MITF: variants seen among roughly 807,000 people sequenced by gnomAD.
MITF encodes the protein microphthalmia-associated transcription factor.
A neutral mutation model predicts 60.5 loss-of-function variants in MITF; 17 were observed. The observed-to-expected ratio is 0.28, with a 90% confidence interval of 0.19 to 0.42. MITF has a LOEUF of 0.42. Among genes scored for constraint, MITF ranks in the 10% least tolerant of loss-of-function variants. The pLI is 1.00. For missense variants in MITF, 622 were observed against 683.5 expected (o/e 0.91, Z 1.00); for synonymous variants, 260 against 248.5 (o/e 1.05, Z -0.43).
At chr3:69,891,134 A>G (rs2064750973) in intron 2 of MITF, among the ~76,000 whole-genome samples, 1 of 152,170 alleles carries the variant, frequency 6.6e-6, no homozygotes, top group Admixed American at 6.5e-5. Flanking sequence ...TCAGTTTTCC[A>G]GTAGCTTTCC....
At chr3:69,879,015 C>T (rs2107274822) in intron 1 of MITF, 119 bp from the exon 2 acceptor site, 1 of 796,398 alleles carries the variant, frequency 1.3e-6, no homozygotes, top group South Asian at 1.4e-5. Flanking sequence ...CATTCTGTGA[C>T]TTGATTATAT....
At chr3:69,788,760 A>G (rs1269537082) in intron 1 of MITF, among the ~76,000 whole-genome samples, 2 of 152,170 alleles carry the variant, frequency 1.3e-5, no homozygotes, top group African/African-American at 4.8e-5. Flanking sequence ...AAATAGACCA[A>G]TGTAATAGAA....
At chr3:69,833,130 G>A (rs538467338) in intron 1 of MITF, among the ~76,000 whole-genome samples, 11 of 151,280 alleles carry the variant, frequency 7.3e-5, no homozygotes, top group Non-Finnish European at 1.3e-4. Flanking sequence ...TGTTTACACT[G>A]TATGTGGTTG....
At chr3:69,835,261 A>G (rs1467759140) in intron 1 of MITF, among the ~76,000 whole-genome samples, 1 of 151,852 alleles carries the variant, frequency 6.6e-6, no homozygotes, top group African/African-American at 2.4e-5. Context: ...TAAGCAATCT[A>G]CCTGCCTCAG....
chr3:69,951,961 C>A lies in MITF; in HGVS notation c.955+75C>A. On this transcript the variant is annotated intron_variant, in intron 7 of 9. Coordinates refer to ENST00000352241, the MANE Select transcript of MITF (RefSeq NM_001354604.2). ...TATATCAAAAATGTTTCCAGAAATT[C>A]TGTAGAGGAGAGTTGATTCCTACAG... is the stretch of plus-strand genomic sequence containing the variant. The A allele has an allele frequency of 4.4e-6, 5 of 1,133,540 alleles. No individual in the cohort carries two copies. In the East Asian group the frequency reaches 7.6e-5, roughly 17 times the overall value. The allele number at this position is 1,133,540 out of a possible 1,614,324, so 70.2% of individuals were successfully genotyped here.
intron 4 of MITF, 46 bp from the exon 5 acceptor site, chr3:69,941,190 T>C (rs2065960267): frequency 7.9e-7 from 1 of 1,260,200 alleles, no homozygotes; most frequent in Non-Finnish European, 1.2e-6. Flanking sequence ...TTGTGTTGCA[T>C]AGTTTATTTA....
chr3:69,942,027 A>T (rs554381008), intron 5 of MITF, among the ~76,000 whole-genome samples: 2 of 152,286 alleles, frequency 1.3e-5, no homozygotes, highest in East Asian at 3.9e-4. Context: ...CTTACGCAAG[A>T]TTACATAGCT....
At position 69,834,828 on chromosome 3, in the gene MITF, T is replaced by C. The variant is rs1442365976; in HGVS notation, c.105-44306T>C. ...TGTTCCTTTTTCTCCACATCCTCACTAATACTTGTTTTCTTTTCTTTTTTT... is the reference window on the plus strand; with the variant it reads ...TGTTCCTTTTTCTCCACATCCTCACCAATACTTGTTTTCTTTTCTTTTTTT... On this transcript the variant is annotated intron_variant, in intron 1 of 9. Coordinates refer to ENST00000352241, the MANE Select transcript of MITF (RefSeq NM_001354604.2). Among the ~76,000 whole-genome samples the C allele has an allele frequency of 6.7e-5, 10 of 149,898 alleles. 1 individual carries two copies.
At chr3:69,892,782 T>G (rs1471553101) in intron 2 of MITF, among the ~76,000 whole-genome samples, 1 of 152,222 alleles carries the variant, frequency 6.6e-6, no homozygotes, top group Admixed American at 6.5e-5. Flanking sequence ...CCCTTCATGG[T>G]CTGTCTCTGA....
intron 1 of MITF, among the ~76,000 whole-genome samples, chr3:69,810,297 C>A (rs879856361): frequency 2.0e-5 from 3 of 152,138 alleles, no homozygotes; most frequent in Admixed American, 6.6e-5. Context: ...CTTTACAAAG[C>A]GTTGTGTCAT....
At chr3:69,914,296 A>G (rs997708391) in intron 2 of MITF, among the ~76,000 whole-genome samples, 27 of 152,110 alleles carry the variant, frequency 1.8e-4, no homozygotes, top group African/African-American at 5.8e-4. Flanking sequence ...TAATTTTTGT[A>G]TTTTTAGTAG....
chr3:69,871,076 C>T (rs1390612930), intron 1 of MITF, among the ~76,000 whole-genome samples: 3 of 152,146 alleles, frequency 2.0e-5, no homozygotes, highest in African/African-American at 7.2e-5. Flanking sequence ...TGATTTGATA[C>T]AGGTGCTCAA....
At chr3:69,777,897 A>G (rs965371960) in intron 1 of MITF, among the ~76,000 whole-genome samples, 4 of 152,108 alleles carry the variant, frequency 2.6e-5, no homozygotes, top group Non-Finnish European at 5.9e-5. Context: ...GCCAATAGAG[A>G]GGAATGGAAA....
chr3:69,822,271 T>A (rs1483492512), intron 1 of MITF, among the ~76,000 whole-genome samples: 1 of 152,020 alleles, frequency 6.6e-6, no homozygotes, highest in Non-Finnish European at 1.5e-5. Flanking sequence ...GTGGTAGACA[T>A]CATACCTGGC....
chr3:69,866,460 CT>C, intron 1 of MITF: 1 of 1,225,726 alleles, frequency 8.2e-7, no homozygotes, highest in Non-Finnish European at 1.1e-6. Flanking sequence ...GTTAAAAATA[CT>C]GAAGCTGTTA....
chr3:69,938,512 A>G (rs2065897206), intron 3 of MITF: 3 of 1,452,088 alleles, frequency 2.1e-6, no homozygotes, highest in African/African-American at 2.9e-5. Flanking sequence ...AAAGAATGGA[A>G]TATGCATGGA....
chr3:69,764,506 G>C (rs931749817), intron 1 of MITF, among the ~76,000 whole-genome samples: 3 of 152,148 alleles, frequency 2.0e-5, no homozygotes, highest in Admixed American at 6.5e-5. Context: ...TTGTCTTGCA[G>C]TTTAAACAGC....
intron 1 of MITF, among the ~76,000 whole-genome samples, chr3:69,819,259 G>T (rs1333188139): frequency 1.3e-5 from 2 of 152,152 alleles, no homozygotes; most frequent in African/African-American, 2.4e-5. Context: ...ATTCAGCTTT[G>T]CTTTTTTGCC....
intron 2 of MITF, among the ~76,000 whole-genome samples, chr3:69,881,474 A>T (rs115000530): frequency 0.036 from 5,528 of 152,168 alleles, 132 homozygotes; most frequent in Non-Finnish European, 0.055. Context: ...GATTTTATTA[A>T]GACAATATTT....
Sources: gnomAD v4.1 joint callset for allele counts (sites outside exome capture counted in the v4.1 genomes callset) on GRCh38, gnomAD v4.1.1 for gene constraint, MANE v1.5 for transcripts, NCBI Gene and HGNC (gene_info 2026-07-23, HGNC 2026-07-21) for gene names.